Variants in LRP1B observed in about 807,000 individuals in gnomAD.
LRP1B encodes LDL receptor related protein 1B.
LRP1B carries 217 observed loss-of-function variants against 556.6 expected under a neutral mutation model. The observed-to-expected ratio is 0.39, with a 90% CI of 0.35 to 0.44. The LOEUF (loss-of-function observed/expected upper bound fraction) is 0.44, where lower values mean the gene tolerates loss of function less well. Ranked by LOEUF, LRP1B falls within the 20% of genes least tolerant of loss-of-function variation. LRP1B has a pLI of 1.00. For synonymous variants in LRP1B, 2,047 were observed against 1,865.8 expected (o/e 1.10, Z -2.50); for missense variants, 5,053 against 5,620.8 (o/e 0.90, Z 3.23).
intron 2 of LRP1B, among the ~76,000 whole-genome samples, chr2:141,774,007 C>A (rs1216415754): frequency 6.6e-6 from 1 of 152,176 alleles, no homozygotes; most frequent in Non-Finnish European, 1.5e-5. Flanking sequence ...GTTAAAACAA[C>A]AACAACAACT....
At chr2:141,554,110 T>C (rs139368184) in intron 2 of LRP1B, among the ~76,000 whole-genome samples, 51,400 of 141,862 alleles carry the variant, frequency 0.36, 9,873 homozygotes, top group Non-Finnish European at 0.43. Flanking sequence ...TCTATATTAA[T>C]AGACAAGATA....
chr2:140,621,384 CAAA>C (rs61045975), intron 41 of LRP1B, among the ~76,000 whole-genome samples: 3 of 106,948 alleles, frequency 2.8e-5, no homozygotes, highest in African/African-American at 3.7e-5. Flanking sequence ...GACTCTGTCT[CAAA>C]AAAAAAAAAA....
chr2:141,136,786 C>T (rs571113467), intron 7 of LRP1B, among the ~76,000 whole-genome samples: 9 of 151,732 alleles, frequency 5.9e-5, no homozygotes, highest in African/African-American at 2.2e-4. Flanking sequence ...TGGGTTGAAG[C>T]GTGAATTTGA....
chr2:141,932,046 T>A (rs1355865902), intron 1 of LRP1B, among the ~76,000 whole-genome samples: 1 of 152,032 alleles, frequency 6.6e-6, no homozygotes, highest in Non-Finnish European at 1.5e-5. Flanking sequence ...GCAGGTGGAC[T>A]AGATTAGGAA....
At chr2:140,459,315 C>G (rs16844023) in intron 60 of LRP1B, among the ~76,000 whole-genome samples, 2,326 of 151,958 alleles carry the variant, frequency 0.015, 61 homozygotes, top group African/African-American at 0.051. Flanking sequence ...ATTATAAGAG[C>G]CTTTCACCTT....
intron 3 of LRP1B, among the ~76,000 whole-genome samples, chr2:141,344,441 C>T (rs999522662): frequency 2.6e-5 from 4 of 152,054 alleles, no homozygotes; most frequent in Admixed American, 6.6e-5. Flanking sequence ...TGGCCTTTGG[C>T]GTAGGTGTTT....
At chr2:141,570,912 C>A (rs1686504804) in intron 2 of LRP1B, among the ~76,000 whole-genome samples, 2 of 150,564 alleles carry the variant, frequency 1.3e-5, no homozygotes, top group South Asian at 2.1e-4. Context: ...TCTCCCTGGG[C>A]CTGAGCCCCA....
intron 1 of LRP1B, among the ~76,000 whole-genome samples, chr2:142,070,266 C>T (rs184410214): frequency 3.2e-4 from 48 of 151,836 alleles, no homozygotes; most frequent in Admixed American, 1.8e-3. Flanking sequence ...ACCTACTGCA[C>T]GTCAGCCAGT....
At chr2:140,953,198 C>G (rs1174296876) in intron 18 of LRP1B, among the ~76,000 whole-genome samples, 1 of 152,150 alleles carries the variant, frequency 6.6e-6, no homozygotes, top group Non-Finnish European at 1.5e-5. Flanking sequence ...TCAAGCGATT[C>G]TCCTGCCTCA....
In LRP1B at chr2:141,165,177, C is replaced by A. The variant is rs1574144028; in HGVS notation, c.1013+23244G>T. On this transcript the variant is annotated intron_variant, in intron 7 of 90. Transcript: ENST00000389484. ...GAGAGCTCTAGTTGCCAGTATGTTT[C>A]AAAAATAATCACAAAATCGGGGAGT... 2.0e-5 allele frequency among the ~76,000 whole-genome samples: 3 copies of A among 151,988 alleles called. No homozygotes were observed. In the East Asian group the frequency reaches 5.8e-4, roughly 30 times the overall value.
intron 11 of LRP1B, among the ~76,000 whole-genome samples, chr2:141,027,895 C>T (rs1412079887): frequency 6.6e-6 from 1 of 152,090 alleles, no homozygotes; most frequent in African/African-American, 2.4e-5. Context: ...CAGTCTGCAA[C>T]CTGGAAGAGG....
At chr2:141,973,420 C>T (rs181677135) in intron 1 of LRP1B, among the ~76,000 whole-genome samples, 13 of 151,678 alleles carry the variant, frequency 8.6e-5, no homozygotes, top group African/African-American at 2.9e-4. Context: ...GTATATATAT[C>T]ATATGTATAT....
chr2:141,461,056 T>C (rs1201389920), intron 3 of LRP1B, among the ~76,000 whole-genome samples: 1 of 151,546 alleles, frequency 6.6e-6, no homozygotes, highest in African/African-American at 2.4e-5. Flanking sequence ...ATGAGAGTCA[T>C]TGGCACATAG....
At chr2:140,921,034 A>T (rs141293862) in intron 21 of LRP1B, among the ~76,000 whole-genome samples, 2 of 152,106 alleles carry the variant, frequency 1.3e-5, no homozygotes, top group Non-Finnish European at 1.5e-5. Flanking sequence ...ATATCAATAC[A>T]CATTTTAAAA....
At chr2:141,563,056 G>T (rs1686219115) in intron 2 of LRP1B, among the ~76,000 whole-genome samples, 1 of 151,956 alleles carries the variant, frequency 6.6e-6, no homozygotes, top group Non-Finnish European at 1.5e-5. Context: ...AACAGAACTG[G>T]ATATATGAAG....
intron 72 of LRP1B, among the ~76,000 whole-genome samples, chr2:140,362,155 C>T (rs542652982): frequency 7.2e-5 from 11 of 151,750 alleles, no homozygotes; most frequent in African/African-American, 2.2e-4. Flanking sequence ...CCTAAAGTGC[C>T]GCCATGGTGT....
intron 75 of LRP1B, among the ~76,000 whole-genome samples, chr2:140,355,785 T>C (rs1682182431): frequency 6.6e-6 from 1 of 151,936 alleles, no homozygotes; most frequent in African/African-American, 2.4e-5. Context: ...TGTAATTATA[T>C]TTACTTACTT....
At chr2:142,016,506 G>A (rs540933961) in intron 1 of LRP1B, among the ~76,000 whole-genome samples, 51 of 152,174 alleles carry the variant, frequency 3.4e-4, no homozygotes, top group African/African-American at 1.2e-3. Flanking sequence ...CCATAAAAAA[G>A]GATGAGTTCA....
At position 141,075,725 on chromosome 2, in the gene LRP1B, T is replaced by A. The variant is rs191274346; in HGVS notation, c.1014-13452A>T. Among the ~76,000 whole-genome samples the A allele has an allele frequency of 3.3e-5, 5 of 152,284 alleles. No individual in the cohort carries two copies. In the East Asian group the frequency reaches 5.8e-4, roughly 18 times the overall value. On this transcript the variant is annotated intron_variant, in intron 7 of 90. Coordinates refer to ENST00000389484, the MANE Select transcript of LRP1B (RefSeq NM_018557.3). ...ATAACACAGATGGCTGTCTCAAAAG[T>A]GACTAAGGTAAGTATCCACGAAGTT...
Sources: gnomAD v4.1 joint callset for allele counts (sites outside exome capture counted in the v4.1 genomes callset) on GRCh38, gnomAD v4.1.1 for gene constraint, MANE v1.5 for transcripts, NCBI Gene and HGNC (gene_info 2026-07-23, HGNC 2026-07-21) for gene names.